The following DEPDC1B variants were observed in gnomAD, a reference collection of about 807,000 sequenced individuals.
DEPDC1B encodes DEP domain-containing protein 1B.
A neutral mutation model predicts 66.5 loss-of-function variants in DEPDC1B; 51 were observed. The observed-to-expected ratio is 0.77, with a 90% CI of 0.61 to 0.97. The LOEUF (loss-of-function observed/expected upper bound fraction) is 0.97, where lower values mean the gene tolerates loss of function less well. Ranked by LOEUF, DEPDC1B falls within the 50% of genes least tolerant of loss-of-function variation. The probability of loss-of-function intolerance (pLI) is 0.00; values close to 1 mark genes in which losing one functional copy is unlikely to be tolerated. For synonymous variants in DEPDC1B, 226 were observed against 223.6 expected (o/e 1.01, Z -0.10); for missense variants, 552 against 637.1 (o/e 0.87, Z 1.44).
chr5:60,644,035 T>C (rs1368241196), intron 5 of DEPDC1B, among the ~76,000 whole-genome samples: 1 of 152,122 alleles, frequency 6.6e-6, no homozygotes, highest in Non-Finnish European at 1.5e-5. Context: ...CATCCAAAGA[T>C]CATCAAGTTC....
intron 7 of DEPDC1B, among the ~76,000 whole-genome samples, chr5:60,625,703 C>T (rs1752795797): frequency 6.6e-6 from 1 of 152,212 alleles, no homozygotes; most frequent in Non-Finnish European, 1.5e-5. Context: ...CTACCCCCCT[C>T]CTCCTTCAGG....
At chr5:60,658,865 G>T (rs972050780) in intron 2 of DEPDC1B, among the ~76,000 whole-genome samples, 1 of 152,108 alleles carries the variant, frequency 6.6e-6, no homozygotes, top group African/African-American at 2.4e-5. Flanking sequence ...CTGAGCTTTT[G>T]CTCACCATCC....
At chr5:60,690,757 T>C (rs551253905) in intron 1 of DEPDC1B, among the ~76,000 whole-genome samples, 1 of 152,296 alleles carries the variant, frequency 6.6e-6, no homozygotes, top group Admixed American at 6.5e-5. Flanking sequence ...GTTTTGCTTG[T>C]TTGTTTGTTT....
chr5:60,611,479 G>A (rs1752412927), intron 7 of DEPDC1B, among the ~76,000 whole-genome samples: 1 of 152,182 alleles, frequency 6.6e-6, no homozygotes, highest in African/African-American at 2.4e-5. Context: ...AGTAAGGGTG[G>A]CAGGTCAAAA....
chr5:60,597,897 A>G lies in DEPDC1B; in HGVS notation c.1446T>C (p.Pro482=), dbSNP rs1752128956. Reference sequence around the variant, plus strand: ...TAGGAAATCGTTCTTGATAGACTTCAGGATAGGATTTCTGAAACTAAAAAA... The same window carrying G: ...TAGGAAATCGTTCTTGATAGACTTCGGGATAGGATTTCTGAAACTAAAAAA... ...KKLKQFQKSY[P]EVYQERFPTP... is the part of the protein sequence containing the mutation. The change falls in exon 11 of 11, where the codon CCT becomes CCC. Residue 482 remains proline (P), a synonymous_variant. Transcript: ENST00000265036. The G allele has an allele frequency of 6.3e-7, 1 of 1,599,674 alleles. No individual in the cohort carries two copies. Among genetic ancestry groups the G allele is most frequent in the Middle Eastern group, 1.7e-4 (1 of 5,992 alleles).
intron 1 of DEPDC1B, among the ~76,000 whole-genome samples, chr5:60,697,789 T>C (rs987658983): frequency 5.3e-5 from 8 of 152,234 alleles, no homozygotes; most frequent in Admixed American, 5.2e-4. Context: ...TAATTATCCA[T>C]GTCATTTATC....
At chr5:60,666,831 C>A (rs926961176) in intron 2 of DEPDC1B, among the ~76,000 whole-genome samples, 24 of 152,112 alleles carry the variant, frequency 1.6e-4, no homozygotes, top group African/African-American at 5.8e-4. Context: ...GAGAATGAAA[C>A]CTCATGTAGA....
intron 5 of DEPDC1B, 95 bp downstream of exon 5, chr5:60,644,650 A>T: frequency 9.5e-7 from 1 of 1,047,642 alleles, no homozygotes; most frequent in Non-Finnish European, 1.3e-6. Flanking sequence ...GAACAAACTT[A>T]TTCAGGGTTT....
intron 2 of DEPDC1B, among the ~76,000 whole-genome samples, chr5:60,678,324 T>C (rs746046803): frequency 6.6e-6 from 1 of 152,180 alleles, no homozygotes; most frequent in Non-Finnish European, 1.5e-5. Context: ...CATTCACCCA[T>C]GGAAGAATGT....
At chr5:60,657,727 T>A (rs970834836) in intron 2 of DEPDC1B, among the ~76,000 whole-genome samples, 1 of 152,246 alleles carries the variant, frequency 6.6e-6, no homozygotes, top group African/African-American at 2.4e-5. Context: ...TTAAGATTCC[T>A]TCCTTCATCT....
At chr5:60,618,521 T>A (rs987547821) in intron 7 of DEPDC1B, among the ~76,000 whole-genome samples, 4 of 152,040 alleles carry the variant, frequency 2.6e-5, no homozygotes, top group Admixed American at 2.6e-4. Context: ...TCTATGAAAA[T>A]GAACTAGAAA....
At chr5:60,662,821 C>A (rs142561582) in intron 2 of DEPDC1B, among the ~76,000 whole-genome samples, 1 of 152,100 alleles carries the variant, frequency 6.6e-6, no homozygotes, top group Non-Finnish European at 1.5e-5. Context: ...CATGCCATCA[C>A]CCTCACAGAG....
chr5:60,697,734 T>A (rs193209266), intron 1 of DEPDC1B, among the ~76,000 whole-genome samples: 2 of 152,252 alleles, frequency 1.3e-5, no homozygotes, highest in Admixed American at 1.3e-4. Context: ...GAGAACTGAA[T>A]TGATTACCTG....
chr5:60,603,369 C>T, intron 9 of DEPDC1B, 22 bp downstream of exon 9: 2 of 1,502,226 alleles, frequency 1.3e-6, no homozygotes, highest in East Asian at 4.7e-5. Context: ...TTTCATAGAA[C>T]TGATAATATC....
At chr5:60,638,954 C>CT in intron 6 of DEPDC1B, 64 bp from the exon 7 acceptor site, 4 of 1,558,090 alleles carry the variant, frequency 2.6e-6, no homozygotes, top group Non-Finnish European at 3.5e-6. Context: ...GTATTATTCT[C>CT]TGTGAATATG....
At chr5:60,691,211 A>C (rs1307341830) in intron 1 of DEPDC1B, among the ~76,000 whole-genome samples, 2 of 151,840 alleles carry the variant, frequency 1.3e-5, no homozygotes, top group Non-Finnish European at 2.9e-5. Context: ...GCGCCACCAC[A>C]CCCAGCTTAT....
At chr5:60,669,618 A>C (rs1239123509) in intron 2 of DEPDC1B, among the ~76,000 whole-genome samples, 1 of 152,202 alleles carries the variant, frequency 6.6e-6, no homozygotes, top group African/African-American at 2.4e-5. Flanking sequence ...TAATGATTAC[A>C]TTTCACAATA....
chr5:60,626,972 G>T (rs1010897447), intron 7 of DEPDC1B, among the ~76,000 whole-genome samples: 3 of 152,034 alleles, frequency 2.0e-5, no homozygotes, highest in Non-Finnish European at 2.9e-5. Flanking sequence ...GAGGTTGGGG[G>T]TATCTATAAT....
chr5:60,632,718 G>C (rs1387518958), intron 7 of DEPDC1B, among the ~76,000 whole-genome samples: 3 of 152,234 alleles, frequency 2.0e-5, no homozygotes, highest in Non-Finnish European at 4.4e-5. Context: ...AAACTAGCAG[G>C]GGTCCCTCTA....
Sources: gnomAD v4.1 joint callset for allele counts (sites outside exome capture counted in the v4.1 genomes callset) on GRCh38, gnomAD v4.1.1 for gene constraint, MANE v1.5 for transcripts, NCBI Gene and HGNC (gene_info 2026-07-23, HGNC 2026-07-21) for gene names.